The following CACNB4 variants were observed in gnomAD, a reference collection of about 807,000 sequenced individuals.
CACNB4 encodes the protein voltage-dependent L-type calcium channel subunit beta-4.
CACNB4 carries 32 observed loss-of-function variants against 71.2 expected under a neutral mutation model. The ratio of observed to expected loss-of-function variants is 0.45; its 90% CI spans 0.34 to 0.60. CACNB4 has a LOEUF of 0.60. Among genes scored for constraint, CACNB4 ranks in the 20% least tolerant of loss-of-function variants. The probability of loss-of-function intolerance (pLI) is 0.01; values close to 1 mark genes in which losing one functional copy is unlikely to be tolerated. For synonymous variants in CACNB4, 231 were observed against 236.9 expected (o/e 0.97, Z 0.23); for missense variants, 464 against 647.9 (o/e 0.72, Z 3.08).
intron 11 of CACNB4, chr2:151,853,792 G>C (rs2099839615): frequency 3.0e-6 from 1 of 336,114 alleles, no homozygotes; most frequent in Non-Finnish European, 5.4e-6. Context: ...TCCCATCCTA[G>C]ATTTTTCCCA....
intron 2 of CACNB4, among the ~76,000 whole-genome samples, chr2:151,906,024 T>A (rs1267459194): frequency 6.6e-6 from 1 of 152,190 alleles, no homozygotes; most frequent in Non-Finnish European, 1.5e-5. Context: ...CATCCTGTCT[T>A]TCTATACATG....
At chr2:152,005,633 C>T (rs776884428) in intron 2 of CACNB4, among the ~76,000 whole-genome samples, 46 of 152,290 alleles carry the variant, frequency 3.0e-4, no homozygotes, top group Non-Finnish European at 5.1e-4. Context: ...GTCCTTGGAA[C>T]AAACCTGCAC....
At chr2:152,018,288 G>A (rs1458567638) in intron 2 of CACNB4, among the ~76,000 whole-genome samples, 7 of 152,092 alleles carry the variant, frequency 4.6e-5, no homozygotes, top group Non-Finnish European at 8.8e-5. Context: ...AGGGAGGGAG[G>A]AGGCAAGAGA....
rs372354089 is a variant in CACNB4 at position 151,895,893 on chromosome 2, G to C, written c.148-12523C>G. Among the ~76,000 whole-genome samples, 8 of 151,058 alleles carry C rather than the reference G, an allele frequency of 5.3e-5. No homozygotes were observed. The East Asian group carries it at 1.2e-3, about 22-fold the overall frequency. On this transcript the variant is annotated intron_variant, in intron 2 of 13. Transcript: ENST00000539935. Reference sequence around the variant, plus strand: ...AGTTTCGCTCTTGTCATCCAGGCTGGAGCGCAAATGGGGCAATCTCAGCTC... The same window carrying C: ...AGTTTCGCTCTTGTCATCCAGGCTGCAGCGCAAATGGGGCAATCTCAGCTC...
At chr2:152,079,613 C>T (rs1009032292) in intron 2 of CACNB4, among the ~76,000 whole-genome samples, 1 of 151,872 alleles carries the variant, frequency 6.6e-6, no homozygotes, top group African/African-American at 2.4e-5. Context: ...TAGTGAAACC[C>T]TGTCTCTACA....
chr2:151,989,206 C>T (rs1332883846), intron 2 of CACNB4, among the ~76,000 whole-genome samples: 1 of 152,202 alleles, frequency 6.6e-6, no homozygotes, highest in East Asian at 1.9e-4. Flanking sequence ...GAGCTGTTAG[C>T]CTTAACACAC....
At chr2:151,988,505 C>G (rs1049477768) in intron 2 of CACNB4, among the ~76,000 whole-genome samples, 1 of 152,150 alleles carries the variant, frequency 6.6e-6, no homozygotes, top group Non-Finnish European at 1.5e-5. Context: ...ACTAGTCTCT[C>G]AATACTGCTG....
At chr2:152,088,509 C>T (rs1414021403) in intron 2 of CACNB4, among the ~76,000 whole-genome samples, 4 of 152,190 alleles carry the variant, frequency 2.6e-5, no homozygotes, top group Admixed American at 2.6e-4. Context: ...AATGCATATT[C>T]TTTTCAAGTT....
chr2:151,969,583 T>A (rs983071199), intron 2 of CACNB4: 1 of 152,170 alleles, frequency 6.6e-6, no homozygotes, highest in Admixed American at 6.5e-5. Flanking sequence ...GCATTAACCA[T>A]CAATTAGCGA....
intron 2 of CACNB4, among the ~76,000 whole-genome samples, chr2:151,982,249 G>T (rs1380149451): frequency 1.3e-5 from 2 of 152,134 alleles, no homozygotes; most frequent in Non-Finnish European, 2.9e-5. Flanking sequence ...ATACCTCACA[G>T]CCTCCCTTGC....
Position 152,098,583 on chromosome 2 carries a change from CACTGCAAG to C in CACNB4, c.64-178_64-171del. The stretch of plus-strand genomic sequence containing the variant: ...AATACAGCCCCCACCCCCACCCACC[CACTGCAAG>C]CCTCGACTGCTGAAAAGATGCTCGA... On this transcript the variant is annotated intron_variant, in intron 1 of 13. Coordinates refer to ENST00000539935, the MANE Select transcript of CACNB4 (RefSeq NM_000726.5). This position sits in a 1 kb window ranked among gnomAD's most constrained non-coding sequence, Gnocchi z 5.3. 5.9e-6 allele frequency: 6 copies of C among 1,018,124 alleles called. No individual in the cohort carries two copies. Among genetic ancestry groups the C allele is most frequent in the Non-Finnish European group, 9.1e-6 (6 of 658,978 alleles). 63.1% of individuals were successfully genotyped at this position (1,018,124 alleles called of 1,614,324 possible).
chr2:152,008,002 C>T (rs1682828371), intron 2 of CACNB4, among the ~76,000 whole-genome samples: 1 of 152,008 alleles, frequency 6.6e-6, no homozygotes, highest in Non-Finnish European at 1.5e-5. Context: ...GAACTCCTGG[C>T]CTCAAGTGAT....
intron 2 of CACNB4, among the ~76,000 whole-genome samples, chr2:151,950,285 G>C (rs2099866611): frequency 6.6e-6 from 1 of 151,848 alleles, no homozygotes; most frequent in Admixed American, 6.6e-5. Flanking sequence ...TTTTAGCCTT[G>C]TTCCAAGATG....
chr2:152,082,720 T>C lies in CACNB4; in HGVS notation c.147+15610A>G, dbSNP rs534770969. 7.5e-4 allele frequency among the ~76,000 whole-genome samples: 114 copies of C among 152,278 alleles called. 2 individuals carry two copies. In the South Asian group the frequency reaches 0.021, roughly 28 times the overall value. ...CTCCCCTGTATCAATAGTTATGTGG[T>C]GTCCCAGAACTTCACTGTTTAGTCA... On this transcript the variant is annotated intron_variant, in intron 2 of 13. Coordinates refer to ENST00000539935, the MANE Select transcript of CACNB4 (RefSeq NM_000726.5).
At chr2:151,915,385 C>G (rs779792584) in intron 2 of CACNB4, among the ~76,000 whole-genome samples, 1 of 152,218 alleles carries the variant, frequency 6.6e-6, no homozygotes, top group Admixed American at 6.5e-5. Context: ...TTCCCCCGCC[C>G]AGGGAGCTCA....
chr2:152,076,493 T>C (rs1162387735), intron 2 of CACNB4, among the ~76,000 whole-genome samples: 2 of 152,062 alleles, frequency 1.3e-5, no homozygotes, highest in African/African-American at 4.8e-5. Context: ...AAGAAGTCAC[T>C]GTAGTTTGTG....
chr2:151,874,478 AAAG>A (rs200468711), intron 5 of CACNB4, among the ~76,000 whole-genome samples: 2,887 of 151,424 alleles, frequency 0.019, 29 homozygotes, highest in Middle Eastern at 0.034. Context: ...AAAAAAAAAA[AAAG>A]AAGAAGTATG....
At chr2:151,842,320 CTTTTTTTT>C (rs35662354) in intron 12 of CACNB4, among the ~76,000 whole-genome samples, 6 of 67,708 alleles carry the variant, frequency 8.9e-5, no homozygotes, top group African/African-American at 2.9e-4. Flanking sequence ...ATATTTGGAT[CTTTTTTTT>C]TTTTTTTTTT....
chr2:152,065,504 G>A (rs1052247203), intron 2 of CACNB4, among the ~76,000 whole-genome samples: 1 of 152,164 alleles, frequency 6.6e-6, no homozygotes, highest in African/African-American at 2.4e-5. Flanking sequence ...TGAAGTATGA[G>A]GGAAAGAAAG....
Sources: allele counts gnomAD v4.1 joint callset (sites outside exome capture counted in the v4.1 genomes callset), GRCh38; gene constraint gnomAD v4.1.1; non-coding constraint Gnocchi (gnomAD v3.1); transcripts MANE v1.5; gene names NCBI Gene and HGNC (gene_info 2026-07-23, HGNC 2026-07-21).